The following SMIM36 variants were observed in gnomAD, a reference collection of about 807,000 sequenced individuals.
The protein encoded by SMIM36 is small integral membrane protein 36.
At chr17:55,515,631 C>T (rs1475882392), upstream of SMIM36, among the ~76,000 whole-genome samples, 3 of 152,080 alleles carry the variant, frequency 2.0e-5, no homozygotes, top group Admixed American at 6.6e-5. Flanking sequence ...AGAGAGAGAT[C>T]GGAGCGAGAC....
At chr17:55,501,174 TA>T (rs1333475751) in intron 1 of SMIM36, among the ~76,000 whole-genome samples, 1 of 96,850 alleles carries the variant, frequency 1.0e-5, no homozygotes, top group African/African-American at 3.8e-5. Flanking sequence ...ATATCTTATA[TA>T]TTATAATATA....
intron 1 of SMIM36, among the ~76,000 whole-genome samples, chr17:55,498,552 T>A (rs952099871): frequency 1.3e-5 from 2 of 151,900 alleles, no homozygotes; most frequent in African/African-American, 4.9e-5. Flanking sequence ...TGTGTGTGAT[T>A]CTAAACCTTG....
chr17:55,528,930 A>G, the SMIM36 span, among the ~76,000 whole-genome samples: 1 of 152,238 alleles, frequency 6.6e-6, no homozygotes, highest in African/African-American at 2.4e-5. Context: ...ATTTGCATAT[A>G]CAGAAAAGTA....
chr17:55,526,071 G>C, the SMIM36 span, among the ~76,000 whole-genome samples: 1 of 152,150 alleles, frequency 6.6e-6, no homozygotes, highest in African/African-American at 2.4e-5. Flanking sequence ...GCACCATTTT[G>C]AATGAATTAT....
At chr17:55,485,060 T>C (rs79723053) in intron 1 of SMIM36, among the ~76,000 whole-genome samples, 12,123 of 152,254 alleles carry the variant, frequency 0.08, 531 homozygotes, top group South Asian at 0.15. Flanking sequence ...TGTGAGAAAC[T>C]ATCCATATTT....
chr17:55,473,949 T>C (rs1909383497), intron 3 of SMIM36, among the ~76,000 whole-genome samples: 1 of 152,098 alleles, frequency 6.6e-6, no homozygotes. Flanking sequence ...ACCTAATCAG[T>C]TATTTGCATG....
chr17:55,473,379 C>T (rs1402911298), intron 3 of SMIM36, among the ~76,000 whole-genome samples: 5 of 152,162 alleles, frequency 3.3e-5, no homozygotes, highest in Non-Finnish European at 7.3e-5. Flanking sequence ...GGATCGACAC[C>T]TCCACCAGAT....
At chr17:55,505,907 T>C (rs1910072760) in intron 1 of SMIM36, among the ~76,000 whole-genome samples, 1 of 95,460 alleles carries the variant, frequency 1.0e-5, no homozygotes, top group Non-Finnish European at 1.8e-5. Flanking sequence ...TGTACAAAAA[T>C]CACAAGCATT....
At chr17:55,456,511 G>C (rs9303370) in intron 4 of SMIM36, among the ~76,000 whole-genome samples, 79,047 of 152,052 alleles carry the variant, frequency 0.52, 22,816 homozygotes, top group Non-Finnish European at 0.66. Flanking sequence ...GCACAACCAG[G>C]ACAGTGATCC....
At chr17:55,499,927 C>G (rs1383645418) in intron 1 of SMIM36, among the ~76,000 whole-genome samples, 1 of 107,388 alleles carries the variant, frequency 9.3e-6, no homozygotes, top group Non-Finnish European at 1.9e-5. Context: ...AAAATAAAAG[C>G]AAGTAAACAT....
intron 1 of SMIM36, among the ~76,000 whole-genome samples, chr17:55,502,004 C>T (rs1474499420): frequency 8.6e-5 from 13 of 151,496 alleles, no homozygotes; most frequent in Non-Finnish European, 4.4e-5. Flanking sequence ...CCGAATATTG[C>T]GCTTTTCAGA....
the SMIM36 span, among the ~76,000 whole-genome samples, chr17:55,530,282 C>G: frequency 1.8e-3 from 271 of 152,138 alleles, no homozygotes; most frequent in African/African-American, 6.2e-3. Flanking sequence ...TCAATCCAGC[C>G]CAGGGATGTG....
chr17:55,489,033 T>C (rs1017320084), intron 1 of SMIM36, among the ~76,000 whole-genome samples: 3 of 152,148 alleles, frequency 2.0e-5, no homozygotes, highest in African/African-American at 7.2e-5. Flanking sequence ...GATACCATGG[T>C]TATTCAACAT....
chr17:55,495,294 C>T (rs151227830), intron 1 of SMIM36, among the ~76,000 whole-genome samples: 5 of 152,148 alleles, frequency 3.3e-5, no homozygotes, highest in African/African-American at 1.2e-4. Context: ...GTAAATCATT[C>T]ACAAACTTGG....
chr17:55,516,219 TTTTAAGA>T (rs1910274626), upstream of SMIM36, among the ~76,000 whole-genome samples: 1 of 152,232 alleles, frequency 6.6e-6, no homozygotes, highest in South Asian at 2.1e-4. Context: ...GGGATAATAT[TTTTAAGA>T]TGCTATGGTG....
chr17:55,481,035 CTT>C (rs1460538772), intron 1 of SMIM36, among the ~76,000 whole-genome samples: 1 of 151,912 alleles, frequency 6.6e-6, no homozygotes, highest in East Asian at 1.9e-4. Context: ...TATACATTCT[CTT>C]TATTCTCTCT....
chr17:55,521,521 T>C, the SMIM36 span, among the ~76,000 whole-genome samples: 2 of 152,256 alleles, frequency 1.3e-5, no homozygotes, highest in East Asian at 3.8e-4. Context: ...GGCTTTGGAC[T>C]TTTTATAACC....
chr17:55,489,018 C>T (rs993753442), intron 1 of SMIM36, among the ~76,000 whole-genome samples: 3 of 152,200 alleles, frequency 2.0e-5, no homozygotes, highest in Middle Eastern at 3.4e-3. Flanking sequence ...CACAACTCTG[C>T]GGTAGATACC....
chr17:55,463,028 G>A (rs1909172598), intron 4 of SMIM36, among the ~76,000 whole-genome samples: 2 of 152,102 alleles, frequency 1.3e-5, no homozygotes, highest in South Asian at 4.1e-4. Context: ...TGAGTCAGAA[G>A]GAAAAGGTAT....
Sources: gnomAD v4.1 joint callset for allele counts (sites outside exome capture counted in the v4.1 genomes callset) on GRCh38, gnomAD v4.1.1 for gene constraint, MANE v1.5 for transcripts, NCBI Gene and HGNC (gene_info 2026-07-23, HGNC 2026-07-21) for gene names.